The following SLC22A23 variants were observed in gnomAD, a reference collection of about 807,000 sequenced individuals.
SLC22A23 encodes ion transporter protein.
Under a neutral mutation model 61.0 loss-of-function variants are expected in SLC22A23, and 26 were observed. The observed-to-expected ratio is 0.43, with a 90% CI of 0.31 to 0.59. SLC22A23 has a LOEUF of 0.59. Among genes scored for constraint, SLC22A23 ranks in the 20% least tolerant of loss-of-function variants. The pLI, the probability that SLC22A23 is intolerant of heterozygous loss-of-function variation, is 0.11. For missense variants in SLC22A23, 796 were observed against 934.7 expected (o/e 0.85, Z 1.94); for synonymous variants, 430 against 413.9 (o/e 1.04, Z -0.47).
At chr6:3,431,066 CAAA>C (rs751754256) in intron 1 of SLC22A23, among the ~76,000 whole-genome samples, 16 of 129,446 alleles carry the variant, frequency 1.2e-4, no homozygotes, top group Admixed American at 2.4e-4. Context: ...AACTCCGTCT[CAAA>C]AAAAAAAAAA....
At chr6:3,335,287 G>A (rs1420097246) in intron 3 of SLC22A23, among the ~76,000 whole-genome samples, 1 of 152,194 alleles carries the variant, frequency 6.6e-6, no homozygotes, top group East Asian at 1.9e-4. Context: ...GAGGCTCCGA[G>A]GCCTTCTAAC....
intron 3 of SLC22A23, among the ~76,000 whole-genome samples, chr6:3,399,269 C>T (rs1249501007): frequency 1.3e-5 from 2 of 152,152 alleles, no homozygotes; most frequent in African/African-American, 4.8e-5. Flanking sequence ...AAGGCACTGC[C>T]CATCATTTCA....
At chr6:3,385,378 C>T (rs1394235527) in intron 3 of SLC22A23, among the ~76,000 whole-genome samples, 4 of 151,928 alleles carry the variant, frequency 2.6e-5, no homozygotes, top group African/African-American at 4.8e-5. Flanking sequence ...TAGCCGGGTG[C>T]GGTGGCCCAT....
rs967582853 is a variant in SLC22A23, at chr6:3,455,910, C to T, written c.650G>A (p.Ser217Asn). Residue 217 changes from serine to asparagine, a missense_variant, in exon 1 of 10, where the codon AGC becomes AAC. Transcript: ENST00000406686. ...IRAGLVQNVV[S>N]KWDLVCDNAW... ...CTGGGCGGCTGCGGCCCTTACCTTG[C>T]TGACCACGTTCTGGACGAGGCCGGC... 1 of 1,499,664 alleles carries T rather than the reference C, an allele frequency of 6.7e-7. No homozygotes were observed. Among genetic ancestry groups the T allele is most frequent in the Admixed American group, 2.0e-5 (1 of 49,092 alleles). 92.9% of individuals were successfully genotyped at this position (1,499,664 alleles called of 1,614,324 possible). A position where few individuals can be genotyped will look rare whatever the true frequency, so the allele number is the denominator to read the frequency against.
chr6:3,365,495 T>G (rs1255488655), intron 3 of SLC22A23, among the ~76,000 whole-genome samples: 1 of 152,146 alleles, frequency 6.6e-6, no homozygotes, highest in Non-Finnish European at 1.5e-5. Context: ...GCACTTGGTC[T>G]GGCTGAGCCT....
intron 3 of SLC22A23, among the ~76,000 whole-genome samples, chr6:3,325,154 C>T (rs959419918): frequency 3.3e-5 from 5 of 152,270 alleles, no homozygotes; most frequent in South Asian, 2.1e-4. Context: ...ACAGACCCTT[C>T]GGAGAGAACA....
chr6:3,336,330 T>C (rs1763858581), intron 3 of SLC22A23, among the ~76,000 whole-genome samples: 1 of 152,240 alleles, frequency 6.6e-6, no homozygotes, highest in Admixed American at 6.5e-5. Flanking sequence ...CATAGTCGCC[T>C]GTGACCAGGG....
chr6:3,399,499 C>G (rs1282813698), intron 3 of SLC22A23, among the ~76,000 whole-genome samples: 1 of 152,200 alleles, frequency 6.6e-6, no homozygotes, highest in East Asian at 1.9e-4. Context: ...TCCGCCCCTC[C>G]AGAAGGAAGG....
At chr6:3,455,740 G>T (rs759325428) in intron 1 of SLC22A23, among the ~76,000 whole-genome samples, 166 bp downstream of exon 1, 2 of 152,234 alleles carry the variant, frequency 1.3e-5, no homozygotes, top group Non-Finnish European at 2.9e-5. Context: ...TTACACCCAA[G>T]TAAAGGCATG....
chr6:3,287,419 C>A (rs2127323487), intron 6 of SLC22A23, among the ~76,000 whole-genome samples: 1 of 152,250 alleles, frequency 6.6e-6, no homozygotes. Context: ...AAAGCGCTTT[C>A]CAGGTACTGA....
At chr6:3,321,581 A>AAAG (rs1055236766) in intron 4 of SLC22A23, among the ~76,000 whole-genome samples, 2 of 145,012 alleles carry the variant, frequency 1.4e-5, no homozygotes, top group African/African-American at 5.3e-5. Flanking sequence ...TTCTAAAATT[A>AAAG]AAAAAAAAAC....
chr6:3,432,171 C>A, intron 1 of SLC22A23: 2 of 981,650 alleles, frequency 2.0e-6, no homozygotes, highest in Non-Finnish European at 2.4e-6. Flanking sequence ...GGGTTCAAAC[C>A]GGTTCTCCTG....
chr6:3,388,135 A>C (rs1486017065), intron 3 of SLC22A23, among the ~76,000 whole-genome samples: 7 of 152,234 alleles, frequency 4.6e-5, no homozygotes, highest in Admixed American at 4.6e-4. Flanking sequence ...AGCCCGCCAC[A>C]GAAACACAGA....
Position 3,330,829 on chromosome 6 carries a change from A to T in SLC22A23, c.914-6827T>A, listed in dbSNP as rs763269772. On this transcript the variant is annotated intron_variant, in intron 3 of 9. Coordinates refer to ENST00000406686, the MANE Select transcript of SLC22A23 (RefSeq NM_015482.2). This position sits in a 1 kb window ranked among gnomAD's most constrained non-coding sequence, Gnocchi z 4.7. ...AGAGTAGTTTTCTCCATTTAGAGAAAGGGAAAATTTTAAAAAACAGAGAAA... is the reference window on the plus strand; with the variant it reads ...AGAGTAGTTTTCTCCATTTAGAGAATGGGAAAATTTTAAAAAACAGAGAAA... 7.9e-5 allele frequency among the ~76,000 whole-genome samples: 12 copies of T among 152,252 alleles called. No homozygotes were observed. Among genetic ancestry groups the T allele is most frequent in the Non-Finnish European group, 1.6e-4 (11 of 68,048 alleles).
chr6:3,341,113 T>G (rs755645211), intron 3 of SLC22A23, among the ~76,000 whole-genome samples: 1 of 152,194 alleles, frequency 6.6e-6, no homozygotes, highest in Non-Finnish European at 1.5e-5. Flanking sequence ...GCATTTAATA[T>G]AGAGAAACAA....
Position 3,318,667 on chromosome 6 carries a change from C to A in SLC22A23, c.1082+5167G>T, listed in dbSNP as rs914799454. 6.6e-6 allele frequency among the ~76,000 whole-genome samples: 1 copy of A among 152,166 alleles called. No individual in the cohort carries two copies. The highest frequency in any genetic ancestry group is 1.5e-5 in the Non-Finnish European group (1 of 68,034). ...TCTTTCAATGGCAATTGTCTCCTGG[C>A]CTGCTGACCTCACTATACCTGGATA... On this transcript the variant is annotated intron_variant, in intron 4 of 9. Coordinates refer to ENST00000406686, the MANE Select transcript of SLC22A23 (RefSeq NM_015482.2). The surrounding 1 kb of genome is among the most constrained non-coding windows in gnomAD (Gnocchi z 4.3).
chr6:3,310,560 A>T lies in SLC22A23; in HGVS notation c.1083-12342T>A, dbSNP rs887391257. Among the ~76,000 whole-genome samples the T allele has an allele frequency of 7.2e-5, 11 of 152,232 alleles. No individual in the cohort carries two copies. In the East Asian group the frequency reaches 2.1e-3, roughly 29 times the overall value. ...GGAGTGGGGATTTGGCTAAGTCTCA[A>T]GCCCGTCTGATTTACATTTCATGGA... On this transcript the variant is annotated intron_variant, in intron 4 of 9. Coordinates refer to ENST00000406686, the MANE Select transcript of SLC22A23 (RefSeq NM_015482.2).
chr6:3,447,200 C>T (rs1771938313), intron 1 of SLC22A23, among the ~76,000 whole-genome samples: 1 of 152,216 alleles, frequency 6.6e-6, no homozygotes, highest in African/African-American at 2.4e-5. Context: ...GCCCTACACA[C>T]CACAGGGCCT....
At position 3,456,163 on chromosome 6, in the gene SLC22A23, T is replaced by C. The variant is rs1390816700; in HGVS notation, c.397A>G (p.Lys133Glu). ...GTGACCCCTGCCAGCTCGGTGCCTTTGCCGGCCCCGCGGCACCAGAAGTTG... is the reference window on the plus strand; with the variant it reads ...GTGACCCCTGCCAGCTCGGTGCCTTCGCCGGCCCCGCGGCACCAGAAGTTG... ...QPNFWCRGAGKGTELAGVTTT... is the reference protein window; with the variant it reads ...QPNFWCRGAGEGTELAGVTTT... The change falls in exon 1 of 10, where the codon AAA becomes GAA. Residue 133 changes from lysine (K) to glutamate (E), a missense_variant. Physicochemically the swap from Lys to Glu is moderately conservative, Grantham distance 56. Coordinates refer to ENST00000406686, the MANE Select transcript of SLC22A23 (RefSeq NM_015482.2). This position sits in a 1 kb window ranked among gnomAD's most constrained non-coding sequence, Gnocchi z 7.1. 5.8e-6 allele frequency: 9 copies of C among 1,551,176 alleles called. No homozygotes were observed. The African/African-American group carries it at 1.2e-4, about 21-fold the overall frequency.
Sources: gnomAD v4.1 joint callset for allele counts (sites outside exome capture counted in the v4.1 genomes callset) on GRCh38, gnomAD v4.1.1 for gene constraint, Gnocchi (gnomAD v3.1) non-coding constraint, MANE v1.5 for transcripts, NCBI Gene and HGNC (gene_info 2026-07-23, HGNC 2026-07-21) for gene names.